Variants in KIAA0825 observed in about 807,000 individuals in gnomAD.
KIAA0825 encodes the protein uncharacterized protein KIAA0825.
Under a neutral mutation model 147.6 loss-of-function variants are expected in KIAA0825, and 119 were observed. The ratio of observed to expected loss-of-function variants is 0.81; its 90% CI spans 0.69 to 0.94. The LOEUF (loss-of-function observed/expected upper bound fraction) is 0.94. Ranked by LOEUF, KIAA0825 falls within the 40% of genes least tolerant of loss-of-function variation. KIAA0825 has a pLI of 0.00. For missense variants in KIAA0825, 1,381 were observed against 1,472.7 expected (o/e 0.94, Z 1.02); for synonymous variants, 470 against 518.1 (o/e 0.91, Z 1.26).
At position 94,593,218 on chromosome 5, in the gene KIAA0825, G is replaced by A. The variant is rs6884691; in HGVS notation, c.-152-10635C>T. The A allele has an allele frequency of 4.5e-4, 342 of 758,834 alleles. No individual in the cohort carries two copies. In the African/African-American group the frequency reaches 5.3e-3, roughly 12 times the overall value. 47.0% of individuals were successfully genotyped at this position (758,834 alleles called of 1,614,324 possible). ...AGCATGGGGTAGGCTAGAAAGGTTTGATATTAAACTGCTGTCAGAATTTTC... is the reference window on the plus strand; with the variant it reads ...AGCATGGGGTAGGCTAGAAAGGTTTAATATTAAACTGCTGTCAGAATTTTC... On this transcript the variant is annotated intron_variant, in intron 1 of 20. Coordinates refer to ENST00000682413, the MANE Select transcript of KIAA0825 (RefSeq NM_001145678.3).
rs1561389803 is a variant in KIAA0825, at chr5:94,608,471, TATAA to T, written c.-153+10025_-153+10028del. ...TGTGTGTATATATATATATTATATA[TATAA>T]TATATATATATATATAATTATATAT... is the stretch of plus-strand genomic sequence containing the variant. On this transcript the variant is annotated intron_variant, in intron 1 of 20. Transcript: ENST00000682413. Among the ~76,000 whole-genome samples, 271 of 18,042 alleles carry T rather than the reference TATAA, an allele frequency of 0.015. 71 individuals are homozygous for T. The East Asian group carries it at 0.28, about 19-fold the overall frequency. 11.8% of individuals were successfully genotyped at this position (18,042 alleles called of 152,430 possible). A position where few individuals can be genotyped will look rare whatever the true frequency, so the allele number is the denominator to read the frequency against.
chr5:94,429,542 ACTGT>A (rs1433086499), intron 14 of KIAA0825, among the ~76,000 whole-genome samples: 6 of 152,146 alleles, frequency 3.9e-5, no homozygotes, highest in African/African-American at 1.4e-4. Context: ...ACAGGCAAAA[ACTGT>A]CTGTGGTCAA....
At chr5:94,240,787 C>T (rs151081324) in intron 20 of KIAA0825, among the ~76,000 whole-genome samples, 249 of 152,270 alleles carry the variant, frequency 1.6e-3, no homozygotes, top group Non-Finnish European at 3.0e-3. Flanking sequence ...GCCAAGAATG[C>T]ACTTAGCTCA....
chr5:94,245,007 A>G (rs1775533631), intron 20 of KIAA0825, among the ~76,000 whole-genome samples: 1 of 152,324 alleles, frequency 6.6e-6, no homozygotes, highest in Admixed American at 6.5e-5. Context: ...TAGCAAATCC[A>G]GAATCTAAAA....
chr5:94,391,777 T>A, intron 17 of KIAA0825, 83 bp from the exon 18 acceptor site: 1 of 1,157,564 alleles, frequency 8.6e-7, no homozygotes, highest in Non-Finnish European at 1.2e-6. Flanking sequence ...GTGTGGAGAG[T>A]TGATGTAAAT....
intron 14 of KIAA0825, among the ~76,000 whole-genome samples, chr5:94,437,522 A>G (rs1393039107): frequency 6.6e-6 from 1 of 152,204 alleles, no homozygotes; most frequent in Non-Finnish European, 1.5e-5. Flanking sequence ...GTACAGTATG[A>G]TACCTTTGAT....
intron 5 of KIAA0825, among the ~76,000 whole-genome samples, chr5:94,491,339 T>C (rs1173011025): frequency 1.3e-5 from 2 of 152,120 alleles, no homozygotes; most frequent in Non-Finnish European, 1.5e-5. Flanking sequence ...AAGAATATTA[T>C]AATATGAAGT....
At chr5:94,453,537 G>A (rs143135539) in intron 12 of KIAA0825, among the ~76,000 whole-genome samples, 3 of 152,010 alleles carry the variant, frequency 2.0e-5, no homozygotes, top group African/African-American at 7.2e-5. Context: ...GGACAATGCC[G>A]CTACTTCATC....
chr5:94,579,494 T>C (rs539042979), intron 2 of KIAA0825, among the ~76,000 whole-genome samples: 1 of 152,336 alleles, frequency 6.6e-6, no homozygotes, highest in African/African-American at 2.4e-5. Context: ...GCAGAAACAC[T>C]AAATAAAATG....
At chr5:94,337,608 A>G (rs1434962894) in intron 20 of KIAA0825, among the ~76,000 whole-genome samples, 2 of 152,222 alleles carry the variant, frequency 1.3e-5, no homozygotes, top group Non-Finnish European at 2.9e-5. Context: ...TTATTATTAA[A>G]GTTGATGAGA....
chr5:94,201,600 T>G (rs1051881295), intron 20 of KIAA0825, among the ~76,000 whole-genome samples: 17 of 150,404 alleles, frequency 1.1e-4, no homozygotes, highest in East Asian at 1.9e-4. Flanking sequence ...TTTTTTTTTG[T>G]TTTTTTGGTT....
intron 5 of KIAA0825, among the ~76,000 whole-genome samples, chr5:94,501,957 T>C (rs1164330800): frequency 6.6e-6 from 1 of 152,182 alleles, no homozygotes; most frequent in East Asian, 1.9e-4. Flanking sequence ...GTTTGCAGCC[T>C]GTAAAAAGAA....
chr5:94,226,761 G>A (rs1453434329), intron 20 of KIAA0825, among the ~76,000 whole-genome samples: 4 of 151,864 alleles, frequency 2.6e-5, no homozygotes, highest in Admixed American at 1.3e-4. Flanking sequence ...CTTCTCAAAA[G>A]AAGACATTTA....
chr5:94,550,841 C>CAAAAAAAAAAAAAAAAAAAAAAAAA (rs1312611163), intron 2 of KIAA0825, among the ~76,000 whole-genome samples: 1 of 70,998 alleles, frequency 1.4e-5, no homozygotes. Context: ...GACTCTATGT[C>CAAAAAAAAAAAAAAAAAAAAAAAAA]AAAAAAAAAA....
chr5:94,392,978 G>T (rs1321777155), intron 17 of KIAA0825, among the ~76,000 whole-genome samples: 1 of 150,536 alleles, frequency 6.6e-6, no homozygotes, highest in African/African-American at 2.4e-5. Flanking sequence ...GTGCATACAG[G>T]TTGCAAAAAA....
intron 20 of KIAA0825, among the ~76,000 whole-genome samples, chr5:94,311,905 C>T (rs1779217908): frequency 6.6e-6 from 1 of 151,492 alleles, no homozygotes; most frequent in South Asian, 2.1e-4. Context: ...GTTAGTAAAA[C>T]CTCAAGTTCT....
At chr5:94,408,328 AATTTT>A (rs539776487) in intron 15 of KIAA0825, among the ~76,000 whole-genome samples, 4 of 151,890 alleles carry the variant, frequency 2.6e-5, no homozygotes, top group Admixed American at 6.6e-5. Flanking sequence ...TCCTTTTTTA[AATTTT>A]ATTTTATTTT....
chr5:94,342,667 T>C (rs986508885), intron 20 of KIAA0825, among the ~76,000 whole-genome samples: 1 of 152,138 alleles, frequency 6.6e-6, no homozygotes, highest in African/African-American at 2.4e-5. Context: ...TTTATAGAAA[T>C]TAAGGAAGAA....
chr5:94,590,972 A>G (rs1313528596), intron 1 of KIAA0825, among the ~76,000 whole-genome samples: 3 of 152,254 alleles, frequency 2.0e-5, no homozygotes, highest in Non-Finnish European at 2.9e-5. Flanking sequence ...AAAAGCAAGT[A>G]CACATTACGT....
Sources: gnomAD v4.1 joint callset for allele counts (sites outside exome capture counted in the v4.1 genomes callset) on GRCh38, gnomAD v4.1.1 for gene constraint, MANE v1.5 for transcripts, NCBI Gene and HGNC (gene_info 2026-07-23, HGNC 2026-07-21) for gene names.